Variants in CBLC observed in about 807,000 individuals in gnomAD.
CBLC encodes the protein Cbl proto-oncogene C.
In CBLC, 46 loss-of-function variants were observed where a neutral mutation model predicts 58.6. The ratio of observed to expected loss-of-function variants is 0.79; its 90% confidence interval spans 0.62 to 1.00. The LOEUF is 1.00. Among genes scored for constraint, CBLC ranks in the 50% least tolerant of loss-of-function variants. The pLI is 0.00. For missense variants in CBLC, 655 were observed against 625.8 expected (o/e 1.05, Z -0.50); for synonymous variants, 271 against 264.2 (o/e 1.03, Z -0.25).
rs1371764828 is a variant in CBLC, at chr19:44,784,965, T to G, written c.917+564T>G. On this transcript the variant is annotated intron_variant, in intron 5 of 10. Transcript: ENST00000647358. ...CTAGACAGGTGTTTTTTTTTTTTTT[T>G]TTTTTTTTTTTTTTTTTTTTTTTTG... is the stretch of plus-strand genomic sequence containing the variant. Among the ~76,000 whole-genome samples, 238 of 110,854 alleles carry G rather than the reference T, an allele frequency of 2.1e-3. 7 individuals carry two copies. The highest frequency in any genetic ancestry group is 6.9e-3 in the African/African-American group (186 of 27,124). 72.7% of individuals were successfully genotyped at this position (110,854 alleles called of 152,430 possible).
chr19:44,791,454 C>T lies in CBLC; in HGVS notation c.1006-929C>T, dbSNP rs532262670. 9.9e-5 allele frequency among the ~76,000 whole-genome samples: 15 copies of T among 151,866 alleles called. No individual in the cohort carries two copies. In the South Asian group the frequency reaches 1.0e-3, roughly 11 times the overall value. On this transcript the variant is annotated intron_variant, in intron 6 of 10. Coordinates refer to ENST00000647358, the MANE Select transcript of CBLC (RefSeq NM_012116.4). ...TCATAACAAGGAGTGAAGACATGGC[C>T]GGGCGAGGTGGCTCACGCCTGTAAT...
chr19:44,780,088 A>C (rs1967680100), intron 1 of CBLC, among the ~76,000 whole-genome samples: 1 of 152,064 alleles, frequency 6.6e-6, no homozygotes, highest in African/African-American at 2.4e-5. Flanking sequence ...AGAATCAAAT[A>C]GTCTTCCCTT....
chr19:44,784,278 C>G lies in CBLC; in HGVS notation c.794C>G (p.Pro265Arg), dbSNP rs777222729. 6 of 1,570,970 alleles carry G rather than the reference C, an allele frequency of 3.8e-6. No homozygotes were observed. In the East Asian group the frequency reaches 1.4e-4, roughly 36 times the overall value. ...RDKPGSYIFR[P>R]SCTRLGQWAI... Reference sequence around the variant, plus strand: ...TCTCCCTCCAGTTACATCTTCCGGCCCAGCTGTACTCGCCTGGGGCAGTGG... The same window carrying G: ...TCTCCCTCCAGTTACATCTTCCGGCGCAGCTGTACTCGCCTGGGGCAGTGG... Residue 265 changes from proline (P) to arginine (R), a missense_variant, in exon 5 of 11, where the codon CCC (proline) becomes CGC (arginine). Around this residue, in one of 3 missense-constraint regions of CBLC, gnomAD observed 371 missense variants for 370.8 expected, o/e 1.00. Transcript: ENST00000647358.
At chr19:44,782,206 CCTGAGTT>C (rs1967767353) in intron 3 of CBLC, among the ~76,000 whole-genome samples, 157 bp from the exon 4 acceptor site, 1 of 152,024 alleles carries the variant, frequency 6.6e-6, no homozygotes. Flanking sequence ...GTCCCAAACT[CCTGAGTT>C]CTGGAGAAAG....
chr19:44,787,236 A>C (rs1245256214), intron 5 of CBLC, among the ~76,000 whole-genome samples: 1 of 151,624 alleles, frequency 6.6e-6, no homozygotes, highest in Non-Finnish European at 1.5e-5. Context: ...TACTGAAAAT[A>C]ACAAAAAATT....
At chr19:44,797,103 G>A (rs930949820) in intron 9 of CBLC, among the ~76,000 whole-genome samples, 18 of 151,804 alleles carry the variant, frequency 1.2e-4, no homozygotes, top group Non-Finnish European at 1.8e-4. Flanking sequence ...CATACCCTCC[G>A]CCTCCCCCAC....
intron 7 of CBLC, 136 bp downstream of exon 7, chr19:44,792,650 C>A: frequency 6.1e-6 from 5 of 820,770 alleles, no homozygotes; most frequent in Non-Finnish European, 8.9e-6. Flanking sequence ...ATGGCAACCA[C>A]TCAGGAGCCC....
rs968927173 is a variant in CBLC at position 44,791,319 on chromosome 19, A to G, written c.1006-1064A>G. On this transcript the variant is annotated intron_variant, in intron 6 of 10. Coordinates refer to ENST00000647358, the MANE Select transcript of CBLC (RefSeq NM_012116.4). ...GGGCTCTGTCCCGCAAAAAAAAAAA[A>G]AAAGAAAGAAAGAAAAATAATGAAA... is the stretch of plus-strand genomic sequence containing the variant. Among the ~76,000 whole-genome samples, 10 of 151,838 alleles carry G rather than the reference A, an allele frequency of 6.6e-5. No individual in the cohort carries two copies. The East Asian group carries it at 7.7e-4, about 12-fold the overall frequency.
At position 44,784,327 on chromosome 19, in the gene CBLC, T is replaced by C; in HGVS notation, c.843T>C (p.Asp281=). Reference sequence around the variant, plus strand: ...GGGCCATCGGCTATGTGAGCTCAGATGGCAGCATCCTGCAGACCATCCCTG... The same window carrying C: ...GGGCCATCGGCTATGTGAGCTCAGACGGCAGCATCCTGCAGACCATCCCTG... ...GQWAIGYVSS[D]GSILQTIPAN... The change falls in exon 5 of 11, where the codon GAT becomes GAC. Residue 281 remains aspartate, a synonymous_variant. Coordinates refer to ENST00000647358, the MANE Select transcript of CBLC (RefSeq NM_012116.4). 1.2e-6 allele frequency: 2 copies of C among 1,603,694 alleles called. No individual in the cohort carries two copies. The highest frequency in any genetic ancestry group is 2.2e-5 in the East Asian group (1 of 44,626).
At chr19:44,784,950 GTTTTTTTTTTTTT>G (rs58171575) in intron 5 of CBLC, among the ~76,000 whole-genome samples, 11 of 34,362 alleles carry the variant, frequency 3.2e-4, no homozygotes, top group Middle Eastern at 0.02. Flanking sequence ...CTAGACAGGT[GTTTTTTTTTTTTT>G]TTTTTTTTTT....
In CBLC at chr19:44,784,292, C is replaced by T; in HGVS notation, c.808C>T (p.Leu270=). 6.3e-7 allele frequency: 1 copy of T among 1,591,340 alleles called. No homozygotes were observed. The highest frequency in any genetic ancestry group is 8.6e-7 in the Non-Finnish European group (1 of 1,161,718). The part of the protein sequence containing the change: ...SYIFRPSCTR[L]GQWAIGYVSS... The stretch of plus-strand genomic sequence containing the variant: ...CATCTTCCGGCCCAGCTGTACTCGC[C>T]TGGGGCAGTGGGCCATCGGCTATGT... Residue 270 remains leucine (L), a synonymous_variant, in exon 5 of 11, where the codon CTG becomes TTG. Transcript: ENST00000647358.
chr19:44,800,643 T>G lies in CBLC; in HGVS notation c.*100T>G. ...GCCAAGCCTGGTCTGTCCTCCAGGG[T>G]GCAAAGGAAGAGTGCAGTGGCCAGC... On this transcript the variant is annotated 3_prime_UTR_variant, in exon 11 of 11. Coordinates refer to ENST00000647358, the MANE Select transcript of CBLC (RefSeq NM_012116.4). 1.9e-6 allele frequency: 1 copy of G among 534,240 alleles called. No individual in the cohort carries two copies. The highest frequency in any genetic ancestry group is 2.6e-5 in the South Asian group (1 of 38,016). The allele number at this position is 534,240 out of a possible 1,614,324, so 33.1% of individuals were successfully genotyped here. A position where few individuals can be genotyped will look rare whatever the true frequency, so the allele number is the denominator to read the frequency against.
At position 44,779,055 on chromosome 19, in the gene CBLC, C is replaced by T. The variant is rs890388363; in HGVS notation, c.353+771C>T. Among the ~76,000 whole-genome samples, 3 of 152,350 alleles carry T rather than the reference C, an allele frequency of 2.0e-5. No individual in the cohort carries two copies. The South Asian group carries it at 6.2e-4, about 32-fold the overall frequency. Reference sequence around the variant, plus strand: ...CCCAATTCTGGTTCCCACTATCCCACTATCTCAGAATTCAGGGACCCCATG... The same window carrying T: ...CCCAATTCTGGTTCCCACTATCCCATTATCTCAGAATTCAGGGACCCCATG... On this transcript the variant is annotated intron_variant, in intron 1 of 10. Transcript: ENST00000647358.
chr19:44,787,899 G>T (rs1430504461), intron 5 of CBLC, among the ~76,000 whole-genome samples: 2 of 151,442 alleles, frequency 1.3e-5, no homozygotes, highest in African/African-American at 4.9e-5. Flanking sequence ...GATCACTTGA[G>T]CCCAAGAGTT....
At chr19:44,782,622 TAACTC>T in intron 4 of CBLC, 131 bp downstream of exon 4, 1 of 703,514 alleles carries the variant, frequency 1.4e-6, no homozygotes, top group South Asian at 1.9e-5. Context: ...AGAGAGTTGA[TAACTC>T]AGAGGCAGGA....
intron 9 of CBLC, among the ~76,000 whole-genome samples, chr19:44,799,535 T>C (rs1035730388): frequency 6.6e-6 from 1 of 152,138 alleles, no homozygotes; most frequent in Non-Finnish European, 1.5e-5. Flanking sequence ...TTTCACCATA[T>C]TGGCCAGGCT....
At chr19:44,786,086 C>T (rs1228816022) in intron 5 of CBLC, among the ~76,000 whole-genome samples, 1 of 151,994 alleles carries the variant, frequency 6.6e-6, no homozygotes, top group Admixed American at 6.6e-5. Flanking sequence ...AGGTGTGAAC[C>T]ACACGCCTGG....
At chr19:44,796,320 G>A (rs1202240413) in intron 9 of CBLC, among the ~76,000 whole-genome samples, 1 of 152,190 alleles carries the variant, frequency 6.6e-6, no homozygotes, top group East Asian at 1.9e-4. Flanking sequence ...TGAAAGAGGA[G>A]AAGTCAGCGT....
Position 44,792,482 on chromosome 19 carries a change from C to G in CBLC, c.1105C>G (p.Leu369Val). 1 of 1,609,540 alleles carries G rather than the reference C, an allele frequency of 6.2e-7. No individual in the cohort carries two copies. The highest frequency in any genetic ancestry group is 8.5e-7 in the Non-Finnish European group (1 of 1,178,636). ...KDVKIEPCGH[L>V]LCSCCLAAWQ... Reference sequence around the variant, plus strand: ...TGTGAAGATTGAGCCGTGCGGGCACCTGCTCTGCAGCTGCTGCCTGGCTGC... The same window carrying G: ...TGTGAAGATTGAGCCGTGCGGGCACGTGCTCTGCAGCTGCTGCCTGGCTGC... The change falls in exon 7 of 11, where the codon CTG (leucine) becomes GTG (valine). Residue 369 changes from leucine (L) to valine (V), a missense_variant. This residue lies in a region of CBLC where 371 missense variants were observed against 370.8 expected (regional missense o/e 1.00). Coordinates refer to ENST00000647358, the MANE Select transcript of CBLC (RefSeq NM_012116.4).
Sources: allele counts gnomAD v4.1 joint callset (sites outside exome capture counted in the v4.1 genomes callset), GRCh38; gene constraint gnomAD v4.1.1; regional missense constraint gnomAD v4.1.1; transcripts MANE v1.5; gene names NCBI Gene and HGNC (gene_info 2026-07-23, HGNC 2026-07-21).